HK1: variants seen among roughly 807,000 people sequenced by gnomAD.
HK1 encodes hexokinase-1.
A neutral mutation model predicts 91.6 loss-of-function variants in HK1; 28 were observed. The ratio of observed to expected loss-of-function variants is 0.31; its 90% CI spans 0.23 to 0.42. The LOEUF is 0.42. HK1 is among the 10% of genes least tolerant of loss of function. The pLI is 1.00. For synonymous variants in HK1, 430 were observed against 468.1 expected, an observed-to-expected ratio of 0.92 and a Z score of 1.05; for missense variants, 770 against 1,219.8, an observed-to-expected ratio of 0.63 and a Z score of 5.49.
At chr10:69,366,751 G>A (rs549954291) in intron 4 of HK1, among the ~76,000 whole-genome samples, 1 of 152,324 alleles carries the variant, frequency 6.6e-6, no homozygotes, top group African/African-American at 2.4e-5. Context: ...CTTTGGCAAG[G>A]CCTGTTTTCA....
intron 2 of HK1, among the ~76,000 whole-genome samples, chr10:69,352,386 A>G (rs942755574): frequency 6.6e-6 from 1 of 152,198 alleles, no homozygotes; most frequent in Non-Finnish European, 1.5e-5. Context: ...GATTTGAACA[A>G]TGCCACAAAG....
intron 2 of HK1, among the ~76,000 whole-genome samples, chr10:69,286,349 T>G (rs987746588): frequency 2.0e-5 from 3 of 151,908 alleles, no homozygotes; most frequent in Non-Finnish European, 4.4e-5. Flanking sequence ...AATTAAAAAA[T>G]TAGCCAGCTG....
chr10:69,339,120 C>T (rs546600324), intron 1 of HK1, among the ~76,000 whole-genome samples: 39 of 152,108 alleles, frequency 2.6e-4, no homozygotes, highest in Admixed American at 2.6e-3. Context: ...GCTGGGTTCT[C>T]TGGGCCCCTG....
At chr10:69,308,295 C>A (rs549992034) in intron 5 of HK1, among the ~76,000 whole-genome samples, 1 of 152,066 alleles carries the variant, frequency 6.6e-6, no homozygotes, top group Non-Finnish European at 1.5e-5. Context: ...GGACAAGCTG[C>A]AGACAAAACT....
At chr10:69,277,246 T>C (rs1310609137) in intron 1 of HK1, among the ~76,000 whole-genome samples, 2 of 152,210 alleles carry the variant, frequency 1.3e-5, no homozygotes, top group African/African-American at 4.8e-5. Context: ...TTTTGAGTAA[T>C]CTGTTTTGTG....
At chr10:69,307,477 G>A (rs1347989405) in intron 5 of HK1, among the ~76,000 whole-genome samples, 1 of 152,172 alleles carries the variant, frequency 6.6e-6, no homozygotes, top group East Asian at 1.9e-4. Flanking sequence ...CACTGGACCT[G>A]AGTGAAATAA....
chr10:69,297,394 G>T (rs922947870), intron 4 of HK1, among the ~76,000 whole-genome samples: 1 of 152,140 alleles, frequency 6.6e-6, no homozygotes, highest in African/African-American at 2.4e-5. Flanking sequence ...GAAGATCCAG[G>T]TGTAAGCAAA....
At chr10:69,310,245 A>T (rs1846304961) in intron 5 of HK1, among the ~76,000 whole-genome samples, 1 of 148,008 alleles carries the variant, frequency 6.8e-6, no homozygotes, top group South Asian at 2.1e-4. Flanking sequence ...ACATGGCAAA[A>T]CTCCCTCTCT....
intron 14 of HK1, chr10:69,389,514 A>G (rs1839800895): frequency 1.2e-5 from 7 of 603,132 alleles, no homozygotes; most frequent in Non-Finnish European, 2.1e-5. Flanking sequence ...ATAATGCTAC[A>G]CATTGCTTAT....
intron 10 of HK1, 98 bp from the exon 11 acceptor site, chr10:69,384,235 A>G (rs991405122): frequency 9.8e-6 from 14 of 1,422,230 alleles, no homozygotes; most frequent in Admixed American, 8.4e-5. Flanking sequence ...TATGTTTGCT[A>G]TGGGGTTCTC....
At chr10:69,273,507 C>T (rs1844284069) in intron 1 of HK1, among the ~76,000 whole-genome samples, 1 of 152,304 alleles carries the variant, frequency 6.6e-6, no homozygotes, top group East Asian at 1.9e-4. Context: ...TGAGCCACCG[C>T]TCCCAGCCTA....
intron 5 of HK1, among the ~76,000 whole-genome samples, chr10:69,308,213 T>C (rs1214549647): frequency 1.3e-5 from 2 of 152,162 alleles, no homozygotes; most frequent in Non-Finnish European, 2.9e-5. Context: ...GAAGACAATT[T>C]TTCCACAGAC....
chr10:69,321,466 C>G (rs780702078), intron 1 of HK1, among the ~76,000 whole-genome samples: 1 of 152,176 alleles, frequency 6.6e-6, no homozygotes, highest in Non-Finnish European at 1.5e-5. Flanking sequence ...TGCCTGCCTC[C>G]CAGCAGGGAC....
chr10:69,295,139 G>C (rs1377147957), intron 3 of HK1, among the ~76,000 whole-genome samples: 1 of 152,122 alleles, frequency 6.6e-6, no homozygotes, highest in East Asian at 1.9e-4. Context: ...CTGCTTGATG[G>C]CCATGTTGCC....
At chr10:69,305,884 AC>A (rs1375619277) in intron 5 of HK1, among the ~76,000 whole-genome samples, 2 of 29,668 alleles carry the variant, frequency 6.7e-5, no homozygotes, top group East Asian at 9.4e-3. Flanking sequence ...AAAAAAAACA[AC>A]AAAAAAAAAT....
intron 12 of HK1, 99 bp from the exon 13 acceptor site, chr10:69,386,224 C>T: frequency 2.3e-6 from 2 of 871,034 alleles, no homozygotes; most frequent in East Asian, 5.2e-5. Context: ...ATGTTGTAAG[C>T]CCTCAGCAGT....
intron 1 of HK1, among the ~76,000 whole-genome samples, chr10:69,276,162 A>ACACACAC (rs1564746945): frequency 7.4e-6 from 1 of 134,340 alleles, no homozygotes; most frequent in African/African-American, 2.7e-5. Context: ...TTCTATATTA[A>ACACACAC]ATAAGTAATT....
chr10:69,331,226 G>A (rs1408116970), intron 1 of HK1, among the ~76,000 whole-genome samples: 2 of 152,192 alleles, frequency 1.3e-5, no homozygotes, highest in Non-Finnish European at 2.9e-5. Context: ...GAAGGCTTCT[G>A]CGTCACCTAA....
intron 5 of HK1, 136 bp downstream of exon 5, chr10:69,368,767 C>T (rs903437045): frequency 1.9e-5 from 14 of 737,846 alleles, no homozygotes; most frequent in Non-Finnish European, 3.1e-5. Context: ...GAGTTGAGGG[C>T]TCACAGTGTG....
Sources: gnomAD v4.1 joint callset for allele counts (sites outside exome capture counted in the v4.1 genomes callset) on GRCh38, gnomAD v4.1.1 for gene constraint, MANE v1.5 for transcripts, NCBI Gene and HGNC (gene_info 2026-07-23, HGNC 2026-07-21) for gene names.